The following ZNF521 variants were observed in gnomAD, a reference collection of about 807,000 sequenced individuals.
The protein encoded by ZNF521 is LYST-interacting protein 3.
In ZNF521, 14 loss-of-function variants were observed where a neutral mutation model predicts 105.5. The ratio of observed to expected loss-of-function variants is 0.13; its 90% CI spans 0.09 to 0.21. The LOEUF (loss-of-function observed/expected upper bound fraction) is 0.21, where lower values mean the gene tolerates loss of function less well. Ranked by LOEUF, ZNF521 falls within the 10% of genes least tolerant of loss-of-function variation. ZNF521 has a pLI of 1.00. For missense variants in ZNF521, 1,233 were observed against 1,629.7 expected, an observed-to-expected ratio of 0.76 and a Z score of 4.19; for synonymous variants, 635 against 606.0, an observed-to-expected ratio of 1.05 and a Z score of -0.70.
rs924424518 is a variant in ZNF521, at chr18:25,335,569, C to G, written c.41-13382G>C. Reference sequence around the variant, plus strand: ...AAAGTGAAATTTCCTTTGTCACTTTCTATCATTTAAAGATATTCCACTCAT... The same window carrying G: ...AAAGTGAAATTTCCTTTGTCACTTTGTATCATTTAAAGATATTCCACTCAT... On this transcript the variant is annotated intron_variant, in intron 2 of 7. Coordinates refer to ENST00000361524, the MANE Select transcript of ZNF521 (RefSeq NM_015461.3). 7.2e-5 allele frequency among the ~76,000 whole-genome samples: 11 copies of G among 152,214 alleles called. 1 individual carries two copies. Among genetic ancestry groups the G allele is most frequent in the African/African-American group, 2.4e-4 (10 of 41,450 alleles).
intron 3 of ZNF521, among the ~76,000 whole-genome samples, chr18:25,259,380 T>G (rs1353870509): frequency 6.6e-6 from 1 of 152,124 alleles, no homozygotes; most frequent in African/African-American, 2.4e-5. Context: ...CCTTGTGAAA[T>G]AAACCTTCTT....
chr18:25,228,240 T>A (rs746495892), intron 3 of ZNF521, among the ~76,000 whole-genome samples: 31 of 152,352 alleles, frequency 2.0e-4, no homozygotes, highest in Admixed American at 1.0e-3. Context: ...GGGGTTCTTA[T>A]TGATACAGAC....
At chr18:25,202,587 G>C (rs916044336) in intron 4 of ZNF521, 2 of 152,134 alleles carry the variant, frequency 1.3e-5, no homozygotes, top group Non-Finnish European at 2.9e-5. Flanking sequence ...TTAGCTAGGA[G>C]GAAAAAGCTG....
intron 5 of ZNF521, among the ~76,000 whole-genome samples, chr18:25,108,950 TTTTAA>T (rs1198543224): frequency 6.6e-6 from 1 of 152,140 alleles, no homozygotes; most frequent in Admixed American, 6.5e-5. Flanking sequence ...ATTTATTTGA[TTTTAA>T]TTTAATTTTT....
At chr18:25,166,267 C>A (rs1885130543) in intron 5 of ZNF521, among the ~76,000 whole-genome samples, 1 of 152,170 alleles carries the variant, frequency 6.6e-6, no homozygotes, top group African/African-American at 2.4e-5. Context: ...ATACTTCATT[C>A]TCTACCCTTT....
intron 4 of ZNF521, among the ~76,000 whole-genome samples, chr18:25,213,711 G>A (rs2144694277): frequency 6.6e-6 from 1 of 152,152 alleles, no homozygotes; most frequent in East Asian, 1.9e-4. Flanking sequence ...GAAATTATGT[G>A]TATGTTTAGG....
chr18:25,114,298 T>G (rs2144314423), intron 5 of ZNF521, among the ~76,000 whole-genome samples: 1 of 152,324 alleles, frequency 6.6e-6, no homozygotes, highest in Middle Eastern at 3.4e-3. Context: ...GAAAAGAGGA[T>G]GTCATTTTTA....
At chr18:25,200,963 T>A (rs377164608) in intron 4 of ZNF521, 10 of 152,060 alleles carry the variant, frequency 6.6e-5, no homozygotes, top group African/African-American at 2.4e-4. Flanking sequence ...AATTATTTTC[T>A]TCTTTTTTTT....
At chr18:25,119,779 A>C (rs901201757) in intron 5 of ZNF521, among the ~76,000 whole-genome samples, 16 of 152,092 alleles carry the variant, frequency 1.1e-4, no homozygotes, top group African/African-American at 3.6e-4. Flanking sequence ...CTAGAAAAAG[A>C]AGGGTAAATT....
intron 5 of ZNF521, among the ~76,000 whole-genome samples, chr18:25,170,960 T>C (rs1053458654): frequency 1.3e-5 from 2 of 152,124 alleles, no homozygotes; most frequent in African/African-American, 2.4e-5. Flanking sequence ...GAAGTCAGTG[T>C]TAAGAAAATA....
At chr18:25,264,137 C>T (rs999518010) in intron 3 of ZNF521, among the ~76,000 whole-genome samples, 1 of 152,154 alleles carries the variant, frequency 6.6e-6, no homozygotes, top group Non-Finnish European at 1.5e-5. Context: ...CACCAACTTT[C>T]TAAACTCTTT....
intron 2 of ZNF521, among the ~76,000 whole-genome samples, chr18:25,339,052 A>G (rs1177400625): frequency 6.6e-6 from 1 of 152,226 alleles, no homozygotes; most frequent in African/African-American, 2.4e-5. Flanking sequence ...TGGGAAAACC[A>G]GGCCCACAAT....
At chr18:25,348,230 A>G (rs1250987073) in intron 2 of ZNF521, among the ~76,000 whole-genome samples, 1 of 152,196 alleles carries the variant, frequency 6.6e-6, no homozygotes, top group Non-Finnish European at 1.5e-5. Context: ...CTATGATCCA[A>G]GTGTGACCTT....
At chr18:25,128,363 C>T (rs2034575597) in intron 5 of ZNF521, among the ~76,000 whole-genome samples, 1 of 151,868 alleles carries the variant, frequency 6.6e-6, no homozygotes, top group Non-Finnish European at 1.5e-5. Context: ...AACATCATAC[C>T]AGTGGTAAGA....
intron 7 of ZNF521, among the ~76,000 whole-genome samples, chr18:25,074,691 T>G (rs1412369107): frequency 6.6e-6 from 1 of 152,206 alleles, no homozygotes; most frequent in Non-Finnish European, 1.5e-5. Context: ...ATGGCAGAGC[T>G]GCCCCCACTC....
intron 3 of ZNF521, among the ~76,000 whole-genome samples, chr18:25,246,074 A>G (rs1378612200): frequency 1.3e-5 from 2 of 150,018 alleles, no homozygotes; most frequent in Non-Finnish European, 3.0e-5. Flanking sequence ...AAGGGCCTGT[A>G]GTGGGGTGGG....
intron 5 of ZNF521, among the ~76,000 whole-genome samples, chr18:25,139,872 C>T (rs372578719): frequency 7.2e-5 from 11 of 152,088 alleles, no homozygotes; most frequent in African/African-American, 2.7e-4. Flanking sequence ...GGAGCCCTCA[C>T]AAATGGGATT....
At chr18:25,341,337 T>C (rs1209066552) in intron 2 of ZNF521, among the ~76,000 whole-genome samples, 1 of 152,208 alleles carries the variant, frequency 6.6e-6, no homozygotes, top group East Asian at 1.9e-4. Context: ...GATTCCTAAC[T>C]GAAGTTTAGT....
chr18:25,143,636 G>C (rs1235254663), intron 5 of ZNF521, among the ~76,000 whole-genome samples: 1 of 152,040 alleles, frequency 6.6e-6, no homozygotes, highest in Non-Finnish European at 1.5e-5. Context: ...AAGATGCTAA[G>C]TAACAAAAAT....
Sources: allele counts gnomAD v4.1 joint callset (sites outside exome capture counted in the v4.1 genomes callset), GRCh38; gene constraint gnomAD v4.1.1; transcripts MANE v1.5; gene names NCBI Gene and HGNC (gene_info 2026-07-23, HGNC 2026-07-21).